Variants in TNKS2 observed in about 807,000 individuals in gnomAD.
TNKS2 encodes the protein tankyrase 2, also known as poly [ADP-ribose] polymerase tankyrase-2.
In TNKS2, 72 loss-of-function variants were observed where a neutral mutation model predicts 137.6. The ratio of observed to expected loss-of-function variants is 0.52; its 90% CI spans 0.43 to 0.64. TNKS2 has a LOEUF of 0.64. Ranked by LOEUF, TNKS2 falls within the 30% of genes least tolerant of loss-of-function variation. TNKS2 has a pLI of 0.00. For synonymous variants in TNKS2, 516 were observed against 512.1 expected, an observed-to-expected ratio of 1.01 and a Z score of -0.10; for missense variants, 1,049 against 1,410.2, an observed-to-expected ratio of 0.74 and a Z score of 4.10.
chr10:91,856,105 T>C (rs1017500156), intron 23 of TNKS2, among the ~76,000 whole-genome samples: 3 of 152,162 alleles, frequency 2.0e-5, no homozygotes, highest in Admixed American at 1.3e-4. Context: ...AAATATATTA[T>C]CTTTTTATAA....
intron 25 of TNKS2, among the ~76,000 whole-genome samples, chr10:91,860,304 C>T (rs1169706191): frequency 2.0e-5 from 3 of 152,042 alleles, no homozygotes; most frequent in Non-Finnish European, 2.9e-5. Flanking sequence ...GAGATTTATT[C>T]GACAGTTAGG....
At position 91,831,809 on chromosome 10, in the gene TNKS2, A is replaced by G. The variant is rs57095232; in HGVS notation, c.1275+628A>G. On this transcript the variant is annotated intron_variant, in intron 11 of 26. Coordinates refer to ENST00000371627, the MANE Select transcript of TNKS2 (RefSeq NM_025235.4). ...TACATAGCATCTCAGATTGGAAGAG[A>G]TGACAGTAGTCACCTAATTCAGCAG... Among the ~76,000 whole-genome samples, 545 of 152,286 alleles carry G rather than the reference A, an allele frequency of 3.6e-3. 3 individuals are homozygous for G. The highest frequency in any genetic ancestry group is 0.012 in the African/African-American group (503 of 41,562).
In TNKS2 at chr10:91,798,476, C is replaced by G. The variant is rs1844035987; in HGVS notation, c.-215C>G. 4.9e-6 allele frequency: 2 copies of G among 411,790 alleles called. No individual in the cohort carries two copies. The highest frequency in any genetic ancestry group is 1.0e-4 in the East Asian group (2 of 20,000). 25.5% of individuals were successfully genotyped at this position (411,790 alleles called of 1,614,324 possible). A position where few individuals can be genotyped will look rare whatever the true frequency, so the allele number is the denominator to read the frequency against. On this transcript the variant is annotated 5_prime_UTR_variant, in exon 1 of 27. Coordinates refer to ENST00000371627, the MANE Select transcript of TNKS2 (RefSeq NM_025235.4). The stretch of plus-strand genomic sequence containing the variant: ...GACCCGGACGGCGGATTCGCGCTGC[C>G]TCCGCCGCCGCGGGGCAGCCGGGGG...
intron 1 of TNKS2, among the ~76,000 whole-genome samples, chr10:91,801,927 G>C (rs569347024): frequency 6.6e-6 from 1 of 152,314 alleles, no homozygotes; most frequent in East Asian, 1.9e-4. Context: ...CTCTGCTTCT[G>C]TGAACTTATT....
At chr10:91,798,976 C>T in intron 1 of TNKS2, 87 bp downstream of exon 1, 1 of 1,263,894 alleles carries the variant, frequency 7.9e-7, no homozygotes, top group Non-Finnish European at 1.0e-6. Context: ...GCTCCTCCGC[C>T]TCCCGACCTT....
intron 9 of TNKS2, among the ~76,000 whole-genome samples, chr10:91,828,747 A>G (rs1220065191): frequency 6.6e-6 from 1 of 152,216 alleles, no homozygotes; most frequent in African/African-American, 2.4e-5. Context: ...TTGGAACCCA[A>G]TGAAAATAAT....
intron 1 of TNKS2, among the ~76,000 whole-genome samples, chr10:91,805,836 C>G (rs1218230009): frequency 6.6e-6 from 1 of 152,114 alleles, no homozygotes; most frequent in African/African-American, 2.4e-5. Flanking sequence ...TTTCTAAAAG[C>G]ACTTCCTGCA....
chr10:91,854,834 C>T (rs148324324), intron 21 of TNKS2, among the ~76,000 whole-genome samples, 195 bp from the exon 22 acceptor site: 16 of 147,918 alleles, frequency 1.1e-4, no homozygotes, highest in Admixed American at 6.9e-4. Context: ...ACCCAGGACG[C>T]GGAGGTTGTG....
chr10:91,826,947 A>G, intron 7 of TNKS2, 70 bp from the exon 8 acceptor site: 1 of 1,346,446 alleles, frequency 7.4e-7, no homozygotes, highest in Non-Finnish European at 9.7e-7. Flanking sequence ...ATGATGTTAA[A>G]TTACACAGTA....
chr10:91,845,892 C>A lies in TNKS2; in HGVS notation c.2310C>A (p.Asp770Glu). 6.3e-7 allele frequency: 1 copy of A among 1,591,130 alleles called. No homozygotes were observed. Among genetic ancestry groups the A allele is most frequent in the Non-Finnish European group, 8.6e-7 (1 of 1,163,210 alleles). Residue 770 changes from aspartate to glutamate, a missense_variant, in exon 18 of 27, where the codon GAC (aspartate) becomes GAA (glutamate). Asp to Glu is a conservative substitution (Grantham distance 45). Around this residue, in one of 6 missense-constraint regions of TNKS2, gnomAD observed 208 missense variants for 231.2 expected, o/e 0.90. Transcript: ENST00000371627. ...CTTTGTTGCTAGCCCATGGAGCTGA[C>A]CCGACTCTTAAAAATCAGGAAGGAC... ...LCALLLAHGA[D>E]PTLKNQEGQT...
Position 91,836,970 on chromosome 10 carries a change from C to T in TNKS2, c.1499C>T (p.Ala500Val), listed in dbSNP as rs1288885041. The change falls in exon 13 of 27, where the codon GCA (alanine) becomes GTA (valine). Residue 500 changes from alanine to valine, a missense_variant. Transcript: ENST00000371627. ...SEADRQLLEA[A>V]KAGDVETVKK... Reference sequence around the variant, plus strand: ...GCAGACAGACAATTGCTGGAAGCTGCAAAGGCTGGAGATGTCGAAACTGTA... The same window carrying T: ...GCAGACAGACAATTGCTGGAAGCTGTAAAGGCTGGAGATGTCGAAACTGTA... 4 of 1,613,290 alleles carry T rather than the reference C, an allele frequency of 2.5e-6. No individual in the cohort carries two copies. Among genetic ancestry groups the T allele is most frequent in the Non-Finnish European group, 3.4e-6 (4 of 1,179,598 alleles).
intron 2 of TNKS2, among the ~76,000 whole-genome samples, chr10:91,816,932 T>C (rs2133607714): frequency 6.6e-6 from 1 of 152,348 alleles, no homozygotes; most frequent in African/African-American, 2.4e-5. Flanking sequence ...ACTTATTTAA[T>C]GTGTCTTTAA....
At chr10:91,819,415 T>TA in intron 4 of TNKS2, 67 bp from the exon 5 acceptor site, 1 of 1,451,228 alleles carries the variant, frequency 6.9e-7, no homozygotes, top group East Asian at 2.4e-5. Flanking sequence ...TTTTAATGGT[T>TA]ACAGTACTTA....
At chr10:91,844,790 T>A in intron 16 of TNKS2, 129 bp from the exon 17 acceptor site, 2 of 557,512 alleles carry the variant, frequency 3.6e-6, no homozygotes, top group Non-Finnish European at 6.1e-6. Context: ...CAGTAATGTC[T>A]ATGCCTTATA....
At chr10:91,861,385 C>T (rs866786094) in intron 25 of TNKS2, among the ~76,000 whole-genome samples, 53 of 152,084 alleles carry the variant, frequency 3.5e-4, no homozygotes, top group African/African-American at 1.3e-3. Flanking sequence ...GATTTTCTCC[C>T]AAGTACAGTG....
rs780714641 is a variant in TNKS2 at position 91,863,574 on chromosome 10, G to T, written c.*575G>T. ...CATTTGATTCCAGAGGCTATGTTCA[G>T]TTGTTAGTTGGGAAAGATTGAGTTA... On this transcript the variant is annotated 3_prime_UTR_variant, in exon 27 of 27. Coordinates refer to ENST00000371627, the MANE Select transcript of TNKS2 (RefSeq NM_025235.4). 1.2e-4 allele frequency: 18 copies of T among 152,358 alleles called. No individual in the cohort carries two copies. The highest frequency in any genetic ancestry group is 2.5e-4 in the Non-Finnish European group (17 of 68,028). 9.4% of individuals were successfully genotyped at this position (152,358 alleles called of 1,614,324 possible). A position where few individuals can be genotyped will look rare whatever the true frequency, so the allele number is the denominator to read the frequency against.
intron 9 of TNKS2, among the ~76,000 whole-genome samples, chr10:91,830,138 G>C (rs931228765): frequency 3.9e-5 from 6 of 152,212 alleles, no homozygotes; most frequent in Non-Finnish European, 5.9e-5. Context: ...AGTTGAGAGA[G>C]ATATAAATAC....
intron 15 of TNKS2, 79 bp from the exon 16 acceptor site, chr10:91,842,093 T>C: frequency 2.1e-6 from 2 of 960,154 alleles, no homozygotes; most frequent in Non-Finnish European, 3.2e-6. Context: ...TTTGGTATAG[T>C]TAACACTGAC....
Position 91,857,507 on chromosome 10 carries a change from C to G in TNKS2, c.3071C>G (p.Ala1024Gly), listed in dbSNP as rs746426701. 6.2e-7 allele frequency: 1 copy of G among 1,610,332 alleles called. No individual in the cohort carries two copies. The highest frequency in any genetic ancestry group is 8.5e-7 in the Non-Finnish European group (1 of 1,177,458). ...GTTTCTGAAGAAAACCACAACCATGCCAATGAACGAATGCTATTTCATGGT... is the reference window on the plus strand; with the variant it reads ...GTTTCTGAAGAAAACCACAACCATGGCAATGAACGAATGCTATTTCATGGT... Reference protein sequence around the residue: ...KEVSEENHNHANERMLFHGSP... With the variant: ...KEVSEENHNHGNERMLFHGSP... Residue 1024 changes from alanine (A) to glycine (G), a missense_variant, in exon 24 of 27, where the codon GCC becomes GGC. This residue lies in a region of TNKS2 where 133 missense variants were observed against 248.4 expected (regional missense o/e 0.54). Transcript: ENST00000371627.
Sources: allele counts gnomAD v4.1 joint callset (sites outside exome capture counted in the v4.1 genomes callset), GRCh38; gene constraint gnomAD v4.1.1; regional missense constraint gnomAD v4.1.1; transcripts MANE v1.5; gene names NCBI Gene and HGNC (gene_info 2026-07-23, HGNC 2026-07-21).